Variants in ADAMTS17 observed in about 807,000 individuals in gnomAD.
ADAMTS17 encodes A disintegrin and metalloproteinase with thrombospondin motifs 17.
Under a neutral mutation model 141.5 loss-of-function variants are expected in ADAMTS17, and 113 were observed. The ratio of observed to expected loss-of-function variants is 0.80; its 90% CI spans 0.69 to 0.93. The LOEUF (loss-of-function observed/expected upper bound fraction) is 0.93, where lower values mean the gene tolerates loss of function less well. Among genes scored for constraint, ADAMTS17 ranks in the 40% least tolerant of loss-of-function variants. The pLI is 0.00. For missense variants in ADAMTS17, 1,659 were observed against 1,517.9 expected (o/e 1.09, Z -1.54); for synonymous variants, 768 against 630.6 (o/e 1.22, Z -3.27).
chr15:100,327,405 A>C (rs1258931306), intron 3 of ADAMTS17, among the ~76,000 whole-genome samples: 1 of 152,208 alleles, frequency 6.6e-6, no homozygotes, highest in Non-Finnish European at 1.5e-5. Flanking sequence ...GCTTCACAGA[A>C]ACCACAGCTG....
At chr15:100,174,248 T>TC (rs2040258202) in intron 8 of ADAMTS17, among the ~76,000 whole-genome samples, 1 of 150,308 alleles carries the variant, frequency 6.7e-6, no homozygotes, top group African/African-American at 2.5e-5. Context: ...AGATTCCCAA[T>TC]TTTGGGTGAG....
At chr15:100,039,565 C>T (rs1488409545) in intron 18 of ADAMTS17, among the ~76,000 whole-genome samples, 2 of 152,164 alleles carry the variant, frequency 1.3e-5, no homozygotes, top group Non-Finnish European at 2.9e-5. Context: ...ACTTCTTTCT[C>T]TTACTGATTT....
chr15:100,249,641 C>T (rs2141941190), intron 7 of ADAMTS17, among the ~76,000 whole-genome samples: 1 of 152,318 alleles, frequency 6.6e-6, no homozygotes, highest in South Asian at 2.1e-4. Flanking sequence ...GTGTTCCAAG[C>T]CAGTCTCCCA....
At chr15:100,032,220 C>T (rs749551099) in intron 18 of ADAMTS17, among the ~76,000 whole-genome samples, 5 of 152,108 alleles carry the variant, frequency 3.3e-5, no homozygotes, top group African/African-American at 1.2e-4. Flanking sequence ...AGAGTCCCTC[C>T]CAGCCCCTCC....
chr15:99,996,474 C>T (rs1250997666), intron 19 of ADAMTS17, among the ~76,000 whole-genome samples: 1 of 152,180 alleles, frequency 6.6e-6, no homozygotes, highest in Non-Finnish European at 1.5e-5. Context: ...ACAACAAAAT[C>T]TCAAACTCTC....
At chr15:100,263,609 G>A (rs1357751023) in intron 4 of ADAMTS17, among the ~76,000 whole-genome samples, 1 of 152,208 alleles carries the variant, frequency 6.6e-6, no homozygotes, top group Non-Finnish European at 1.5e-5. Flanking sequence ...GCCCACTGCA[G>A]CTGACGAGCC....
At chr15:100,136,631 G>C (rs897617356) in intron 10 of ADAMTS17, among the ~76,000 whole-genome samples, 8 of 152,218 alleles carry the variant, frequency 5.3e-5, no homozygotes, top group African/African-American at 1.9e-4. Context: ...TTTCCAAAGA[G>C]GAGGTCAATG....
intron 15 of ADAMTS17, among the ~76,000 whole-genome samples, chr15:100,078,364 A>G (rs560319357): frequency 3.5e-4 from 53 of 152,334 alleles, no homozygotes; most frequent in African/African-American, 1.3e-3. Flanking sequence ...TGTAGCAATC[A>G]AGACAGCAAG....
At chr15:100,003,623 G>A (rs542805975) in intron 18 of ADAMTS17, among the ~76,000 whole-genome samples, 1 of 152,246 alleles carries the variant, frequency 6.6e-6, no homozygotes, top group South Asian at 2.1e-4. Flanking sequence ...TAGCCAAAAG[G>A]TGGAAACGAT....
intron 20 of ADAMTS17, among the ~76,000 whole-genome samples, chr15:99,987,291 A>C (rs2060609181): frequency 6.6e-6 from 1 of 152,202 alleles, no homozygotes; most frequent in African/African-American, 2.4e-5. Context: ...ACTGCAACAC[A>C]GTGAGCGGAA....
At chr15:100,082,766 CTTT>C (rs71151935) in intron 15 of ADAMTS17, among the ~76,000 whole-genome samples, 6 of 123,272 alleles carry the variant, frequency 4.9e-5, no homozygotes, top group Non-Finnish European at 6.8e-5. Context: ...TCTCGTTAGT[CTTT>C]TTTTTTTTTT....
At chr15:100,288,386 CA>C (rs1365898596) in intron 3 of ADAMTS17, among the ~76,000 whole-genome samples, 1 of 152,164 alleles carries the variant, frequency 6.6e-6, no homozygotes, top group Non-Finnish European at 1.5e-5. Flanking sequence ...TAGAGACCTA[CA>C]AAGAGACACA....
intron 18 of ADAMTS17, among the ~76,000 whole-genome samples, chr15:100,003,149 A>T (rs77245586): frequency 0.018 from 2,787 of 152,138 alleles, 43 homozygotes; most frequent in Non-Finnish European, 0.025. Context: ...GGGGACCTCG[A>T]GTCTCCCCAT....
At chr15:100,083,442 C>G (rs1341618564) in intron 15 of ADAMTS17, among the ~76,000 whole-genome samples, 2 of 152,192 alleles carry the variant, frequency 1.3e-5, no homozygotes, top group African/African-American at 2.4e-5. Context: ...CCTGAGATGT[C>G]CTTCTTCTCC....
chr15:100,331,059 C>G lies in ADAMTS17; in HGVS notation c.451-5G>C, dbSNP rs760709819. On this transcript the variant is annotated splice_polypyrimidine_tract_variant and splice_region_variant and intron_variant, in intron 2 of 21. Coordinates refer to ENST00000268070, the MANE Select transcript of ADAMTS17 (RefSeq NM_139057.4). The stretch of plus-strand genomic sequence containing the variant: ...CCCAAGCTGAATGAGGCCAACCTGT[C>G]CAGAAAGGAGAAGGAAACGCGATGT... 6.2e-7 allele frequency: 1 copy of G among 1,614,042 alleles called. No homozygotes were observed. Among genetic ancestry groups the G allele is most frequent in the African/African-American group, 1.3e-5 (1 of 74,934 alleles).
At chr15:100,162,564 TTA>T (rs1174499431) in intron 8 of ADAMTS17, among the ~76,000 whole-genome samples, 10 of 2,514 alleles carry the variant, frequency 4.0e-3, no homozygotes, top group East Asian at 0.016. Context: ...CATATACACA[TTA>T]TATGTGTATA....
chr15:100,031,140 T>A (rs924486675), intron 18 of ADAMTS17, among the ~76,000 whole-genome samples: 3 of 152,240 alleles, frequency 2.0e-5, no homozygotes, highest in Non-Finnish European at 4.4e-5. Context: ...TGGGTTTGCA[T>A]GCAGCTAGGG....
intron 2 of ADAMTS17, among the ~76,000 whole-genome samples, chr15:100,339,310 T>C (rs1212755571): frequency 6.6e-6 from 1 of 152,190 alleles, no homozygotes; most frequent in Non-Finnish European, 1.5e-5. Context: ...CCTTCACAGA[T>C]AGCTCCTTGC....
intron 3 of ADAMTS17, among the ~76,000 whole-genome samples, chr15:100,315,379 TGATCGGCC>T (rs778681831): frequency 3.7e-4 from 57 of 152,222 alleles, no homozygotes; most frequent in Non-Finnish European, 4.7e-4. Flanking sequence ...ACAACACTGG[TGATCGGCC>T]GATCTCAAGG....
Sources: gnomAD v4.1 joint callset for allele counts (sites outside exome capture counted in the v4.1 genomes callset) on GRCh38, gnomAD v4.1.1 for gene constraint, MANE v1.5 for transcripts, NCBI Gene and HGNC (gene_info 2026-07-23, HGNC 2026-07-21) for gene names.